CDH13: variants seen among roughly 807,000 people sequenced by gnomAD.
CDH13 encodes cadherin 13, also known as cadherin-13.
A neutral mutation model predicts 63.8 loss-of-function variants in CDH13; 24 were observed. The observed-to-expected ratio is 0.38, with a 90% CI of 0.27 to 0.53. The LOEUF is 0.53. Among genes scored for constraint, CDH13 ranks in the 20% least tolerant of loss-of-function variants. The pLI, the probability that CDH13 is intolerant of heterozygous loss-of-function variation, is 0.85. For synonymous variants in CDH13, 503 were observed against 355.3 expected, an observed-to-expected ratio of 1.42 and a Z score of -4.67; for missense variants, 1,049 against 903.1, an observed-to-expected ratio of 1.16 and a Z score of -2.07.
At chr16:83,453,259 G>T (rs1232073927) in intron 6 of CDH13, among the ~76,000 whole-genome samples, 1 of 152,100 alleles carries the variant, frequency 6.6e-6, no homozygotes. Flanking sequence ...TACAAATTGA[G>T]TTCAGTGTAC....
In CDH13 at chr16:82,644,412, C is replaced by T. The variant is rs115550642; in HGVS notation, c.45+17275C>T. On this transcript the variant is annotated intron_variant, in intron 1 of 13. Transcript: ENST00000567109. The surrounding 1 kb of genome is among the most constrained non-coding windows in gnomAD (Gnocchi z 5.7). Reference sequence around the variant, plus strand: ...ATTCTCAGGTCCCTTAACCATGGAACGTACTCCTGTCTGCCCTCACTCGTG... The same window carrying T: ...ATTCTCAGGTCCCTTAACCATGGAATGTACTCCTGTCTGCCCTCACTCGTG... Among the ~76,000 whole-genome samples the T allele has an allele frequency of 4.8e-3, 725 of 152,244 alleles. 9 individuals are homozygous for T. The highest frequency in any genetic ancestry group is 0.016 in the African/African-American group (675 of 41,544).
intron 6 of CDH13, among the ~76,000 whole-genome samples, chr16:83,367,240 G>C (rs542959719): frequency 2.6e-5 from 4 of 152,174 alleles, no homozygotes; most frequent in Admixed American, 2.6e-4. Context: ...GGCCTTTTGT[G>C]TGTCTTCTTT....
At chr16:83,063,075 C>T (rs909693422) in intron 3 of CDH13, among the ~76,000 whole-genome samples, 3 of 151,564 alleles carry the variant, frequency 2.0e-5, no homozygotes. Flanking sequence ...GAGTCTCCTG[C>T]ATCAGCCTCC....
chr16:83,696,268 C>T (rs1337991584), intron 10 of CDH13, among the ~76,000 whole-genome samples: 3 of 152,138 alleles, frequency 2.0e-5, no homozygotes, highest in African/African-American at 2.4e-5. Context: ...AAAAGTCATG[C>T]TCAGTAGAGT....
intron 10 of CDH13, among the ~76,000 whole-genome samples, chr16:83,739,022 C>T (rs969892796): frequency 1.3e-5 from 2 of 152,188 alleles, no homozygotes; most frequent in Non-Finnish European, 2.9e-5. Context: ...AAAAAGAGCT[C>T]ACACAACAGG....
chr16:82,644,135 T>C lies in CDH13; in HGVS notation c.45+16998T>C, dbSNP rs553098469. The stretch of plus-strand genomic sequence containing the variant: ...CTAATTGTCATTGTACTCAAGTTGA[T>C]AGCAGATTGCTGAAGGATTTAGGAT... On this transcript the variant is annotated intron_variant, in intron 1 of 13. Transcript: ENST00000567109. The surrounding 1 kb of genome is among the most constrained non-coding windows in gnomAD (Gnocchi z 5.7). Among the ~76,000 whole-genome samples, 3 of 152,278 alleles carry C rather than the reference T, an allele frequency of 2.0e-5. No homozygotes were observed. The East Asian group carries it at 5.8e-4, about 29-fold the overall frequency.
chr16:83,463,414 G>A (rs2073229884), intron 6 of CDH13, among the ~76,000 whole-genome samples: 1 of 152,198 alleles, frequency 6.6e-6, no homozygotes, highest in African/African-American at 2.4e-5. Context: ...CATTCAGGCT[G>A]ACAGAGTGGC....
intron 6 of CDH13, among the ~76,000 whole-genome samples, chr16:83,460,764 C>G (rs928038982): frequency 4.6e-5 from 7 of 150,644 alleles, no homozygotes; most frequent in African/African-American, 1.7e-4. Context: ...GAGGCCGAGG[C>G]GGGAGGATTG....
intron 7 of CDH13, among the ~76,000 whole-genome samples, chr16:83,507,918 G>C (rs996041362): frequency 1.3e-5 from 2 of 151,398 alleles, no homozygotes; most frequent in East Asian, 3.9e-4. Flanking sequence ...TGTAATTCCA[G>C]CTACTCAGGA....
intron 1 of CDH13, among the ~76,000 whole-genome samples, chr16:82,675,565 A>C (rs900202092): frequency 2.0e-5 from 3 of 152,220 alleles, no homozygotes; most frequent in Non-Finnish European, 2.9e-5. Flanking sequence ...CGTTTGCCTC[A>C]TTACAATTCC....
chr16:83,426,025 G>T (rs1051713112), intron 6 of CDH13, among the ~76,000 whole-genome samples: 1 of 152,160 alleles, frequency 6.6e-6, no homozygotes, highest in Non-Finnish European at 1.5e-5. Flanking sequence ...TTTAAGTGGA[G>T]GTGGTCCTTT....
At chr16:82,793,983 C>G (rs1399449104) in intron 1 of CDH13, among the ~76,000 whole-genome samples, 1 of 151,964 alleles carries the variant, frequency 6.6e-6, no homozygotes, top group African/African-American at 2.4e-5. Flanking sequence ...ATGCAATTAT[C>G]TGCTACAAGC....
At chr16:83,435,812 T>C (rs1342066434) in intron 6 of CDH13, among the ~76,000 whole-genome samples, 1 of 152,168 alleles carries the variant, frequency 6.6e-6, no homozygotes, top group African/African-American at 2.4e-5. Context: ...TTTCCTGCTG[T>C]CTCTGGTTGG....
intron 6 of CDH13, among the ~76,000 whole-genome samples, chr16:83,359,023 C>T (rs2091109178): frequency 6.6e-6 from 1 of 152,104 alleles, no homozygotes. Context: ...TGTCCACATT[C>T]CAGGGGCCAG....
intron 1 of CDH13, among the ~76,000 whole-genome samples, chr16:82,782,552 A>AG (rs1491581164): frequency 1.5e-5 from 1 of 66,248 alleles, no homozygotes; most frequent in Non-Finnish European, 3.8e-5. Context: ...ACTCCATCTC[A>AG]AAAAAAAAAA....
At chr16:83,000,226 T>TATTTA (rs1567731520) in intron 2 of CDH13, among the ~76,000 whole-genome samples, 11 of 57,076 alleles carry the variant, frequency 1.9e-4, no homozygotes, top group South Asian at 1.6e-3. Context: ...TTAGCTTATT[T>TATTTA]TTTTTTTTTT....
intron 2 of CDH13, among the ~76,000 whole-genome samples, chr16:83,010,296 T>C (rs1914015048): frequency 6.6e-6 from 1 of 151,994 alleles, no homozygotes; most frequent in Admixed American, 6.6e-5. Context: ...CAAGAACAAA[T>C]TGGAGGTCAG....
At chr16:83,566,162 C>T (rs79847377) in intron 7 of CDH13, among the ~76,000 whole-genome samples, 101 of 152,202 alleles carry the variant, frequency 6.6e-4, no homozygotes, top group African/African-American at 2.3e-3. Context: ...AGTCCTCTTC[C>T]AATTTCTTGG....
At chr16:82,700,729 C>G (rs1267418496) in intron 1 of CDH13, among the ~76,000 whole-genome samples, 2 of 152,114 alleles carry the variant, frequency 1.3e-5, no homozygotes, top group African/African-American at 4.8e-5. Context: ...TCACCCTCCT[C>G]TTTGCCCTCA....
Sources: allele counts gnomAD v4.1 joint callset (sites outside exome capture counted in the v4.1 genomes callset), GRCh38; gene constraint gnomAD v4.1.1; non-coding constraint Gnocchi (gnomAD v3.1); transcripts MANE v1.5; gene names NCBI Gene and HGNC (gene_info 2026-07-23, HGNC 2026-07-21).